NRG3: variants seen among roughly 807,000 people sequenced by gnomAD.
NRG3 encodes the protein pro-neuregulin-3, membrane-bound isoform.
Under a neutral mutation model 66.9 loss-of-function variants are expected in NRG3, and 31 were observed. That is an observed-to-expected ratio of 0.46 (90% CI 0.35 to 0.63). NRG3 has a LOEUF of 0.63. NRG3 is among the 20% of genes least tolerant of loss of function. The probability of loss-of-function intolerance (pLI) is 0.00; values close to 1 mark genes in which losing one functional copy is unlikely to be tolerated. For synonymous variants in NRG3, 393 were observed against 359.4 expected, an observed-to-expected ratio of 1.09 and a Z score of -1.06; for missense variants, 910 against 878.9, an observed-to-expected ratio of 1.04 and a Z score of -0.45.
chr10:82,862,702 T>G (rs2135930537), intron 3 of NRG3, among the ~76,000 whole-genome samples: 1 of 152,254 alleles, frequency 6.6e-6, no homozygotes, highest in South Asian at 2.1e-4. Flanking sequence ...TTTGCAATAC[T>G]TTCGCTTTGA....
Position 82,879,958 on chromosome 10 carries a change from CTTTT to C in NRG3, c.1054+14541_1054+14544del, listed in dbSNP as rs35159008. 6.4e-5 allele frequency among the ~76,000 whole-genome samples: 5 copies of C among 78,434 alleles called. No individual in the cohort carries two copies. In the South Asian group the frequency reaches 1.6e-3, roughly 24 times the overall value. The allele number at this position is 78,434 out of a possible 152,430, so 51.5% of individuals were successfully genotyped here. On this transcript the variant is annotated intron_variant, in intron 4 of 8. Transcript: ENST00000372141. ...CACTCTTCTAAGAAGGATTTCATCCCTTTTTTTTTTTTTTTTTTTTTTTGCATGA... is the reference window on the plus strand; with the variant it reads ...CACTCTTCTAAGAAGGATTTCATCCCTTTTTTTTTTTTTTTTTTTGCATGA...
At chr10:82,130,374 C>T (rs1409926619) in intron 1 of NRG3, among the ~76,000 whole-genome samples, 1 of 151,822 alleles carries the variant, frequency 6.6e-6, no homozygotes, top group African/African-American at 2.4e-5. Flanking sequence ...CTATCCCTCC[C>T]CTCTCCCCCA....
intron 2 of NRG3, among the ~76,000 whole-genome samples, chr10:82,596,037 T>C (rs1321229229): frequency 6.6e-6 from 1 of 152,146 alleles, no homozygotes; most frequent in African/African-American, 2.4e-5. Context: ...ATGAGTGAAT[T>C]GATGAATTAA....
At chr10:82,399,261 C>T (rs910974815) in intron 2 of NRG3, among the ~76,000 whole-genome samples, 1 of 152,030 alleles carries the variant, frequency 6.6e-6, no homozygotes, top group Non-Finnish European at 1.5e-5. Context: ...TTGTTCTAGA[C>T]GTACCAAATA....
intron 1 of NRG3, among the ~76,000 whole-genome samples, chr10:82,114,434 T>C (rs1590166242): frequency 6.6e-6 from 1 of 152,294 alleles, no homozygotes; most frequent in Non-Finnish European, 1.5e-5. Flanking sequence ...CAAATTATTT[T>C]CAGAGATTAC....
intron 2 of NRG3, among the ~76,000 whole-genome samples, chr10:82,539,796 C>G (rs1428946782): frequency 1.3e-5 from 2 of 151,998 alleles, no homozygotes; most frequent in African/African-American, 4.8e-5. Context: ...CCACGGCCAG[C>G]TAATTTTTTT....
At chr10:82,034,021 T>G (rs528199993) in intron 1 of NRG3, among the ~76,000 whole-genome samples, 1 of 152,148 alleles carries the variant, frequency 6.6e-6, no homozygotes, top group Non-Finnish European at 1.5e-5. Flanking sequence ...TGATTTAAAG[T>G]AGGTGGTCAA....
At chr10:82,750,358 G>GTTT (rs2058814628) in intron 3 of NRG3, among the ~76,000 whole-genome samples, 2 of 152,092 alleles carry the variant, frequency 1.3e-5, no homozygotes, top group Non-Finnish European at 2.9e-5. Context: ...CAGCGTTTCA[G>GTTT]TTTTTAATAT....
chr10:81,981,466 C>T (rs1353740177), intron 1 of NRG3, among the ~76,000 whole-genome samples: 1 of 152,178 alleles, frequency 6.6e-6, no homozygotes, highest in Admixed American at 6.5e-5. Context: ...GGGGTGGTGG[C>T]TCTGCTTTGT....
intron 2 of NRG3, among the ~76,000 whole-genome samples, chr10:82,485,155 C>T (rs1842583968): frequency 6.6e-6 from 1 of 152,068 alleles, no homozygotes; most frequent in Admixed American, 6.6e-5. Flanking sequence ...CATTACGACC[C>T]CAGTGTAGGG....
intron 2 of NRG3, among the ~76,000 whole-genome samples, chr10:82,576,103 AG>A (rs776749180): frequency 2.0e-5 from 3 of 151,698 alleles, no homozygotes; most frequent in Non-Finnish European, 2.9e-5. Context: ...GTCTGGGGAA[AG>A]TATAGTGGGA....
intron 4 of NRG3, among the ~76,000 whole-genome samples, chr10:82,943,867 A>G (rs1848780056): frequency 6.6e-6 from 1 of 152,230 alleles, no homozygotes; most frequent in African/African-American, 2.4e-5. Context: ...TCGAATTACT[A>G]TGTGCTATAT....
chr10:82,048,362 C>T (rs2063415258), intron 1 of NRG3, among the ~76,000 whole-genome samples: 1 of 152,002 alleles, frequency 6.6e-6, no homozygotes, highest in Admixed American at 6.6e-5. Flanking sequence ...AAGCTCTCCT[C>T]AGCAAACGTA....
At chr10:81,882,473 A>G (rs1049888761) in intron 1 of NRG3, among the ~76,000 whole-genome samples, 3 of 152,180 alleles carry the variant, frequency 2.0e-5, no homozygotes, top group African/African-American at 7.2e-5. Context: ...ATTTCTATAT[A>G]AAACCTCTAG....
At chr10:82,184,582 C>T (rs2073676755) in intron 1 of NRG3, among the ~76,000 whole-genome samples, 1 of 152,078 alleles carries the variant, frequency 6.6e-6, no homozygotes, top group Non-Finnish European at 1.5e-5. Context: ...AAAAGAAACA[C>T]ATTTCTTGTT....
chr10:82,678,451 A>G (rs1481023066), intron 2 of NRG3, among the ~76,000 whole-genome samples: 1 of 152,180 alleles, frequency 6.6e-6, no homozygotes, highest in Non-Finnish European at 1.5e-5. Context: ...GAATTTCACA[A>G]GGTAATGTCA....
intron 1 of NRG3, chr10:82,232,304 C>T (rs2076519546): frequency 6.4e-6 from 1 of 155,090 alleles, no homozygotes. Context: ...TGCAAGAATC[C>T]AGCCTGTTTT....
chr10:82,340,953 A>G (rs1198572977), intron 1 of NRG3: 1 of 152,182 alleles, frequency 6.6e-6, no homozygotes, highest in Non-Finnish European at 1.5e-5. Context: ...ACTATAGTCA[A>G]TAATAATTGT....
chr10:82,512,031 A>G (rs1197137667), intron 2 of NRG3, among the ~76,000 whole-genome samples: 2 of 152,136 alleles, frequency 1.3e-5, no homozygotes, highest in Non-Finnish European at 2.9e-5. Context: ...GTGTGCCTAT[A>G]TTCTCCAATG....
Sources: allele counts gnomAD v4.1 joint callset (sites outside exome capture counted in the v4.1 genomes callset), GRCh38; gene constraint gnomAD v4.1.1; transcripts MANE v1.5; gene names NCBI Gene and HGNC (gene_info 2026-07-23, HGNC 2026-07-21).